CA10: variants seen among roughly 807,000 people sequenced by gnomAD.
CA10 encodes the protein carbonic anhydrase-related protein 10.
In CA10, 14 loss-of-function variants were observed where a neutral mutation model predicts 44.2. The observed-to-expected ratio is 0.32, with a 90% CI of 0.21 to 0.50. The LOEUF is 0.50. Among genes scored for constraint, CA10 ranks in the 20% least tolerant of loss-of-function variants. The pLI is 0.99. For missense variants in CA10, 350 were observed against 409.7 expected (o/e 0.85, Z 1.26); for synonymous variants, 159 against 141.6 (o/e 1.12, Z -0.87).
chr17:52,148,279 T>C (rs1321558115), intron 1 of CA10, among the ~76,000 whole-genome samples: 1 of 152,140 alleles, frequency 6.6e-6, no homozygotes, highest in Non-Finnish European at 1.5e-5. Context: ...TGGTAAGAAA[T>C]AGCGTACATG....
intron 2 of CA10, among the ~76,000 whole-genome samples, chr17:52,061,703 T>G (rs1987391085): frequency 6.6e-6 from 1 of 152,112 alleles, no homozygotes; most frequent in Admixed American, 6.5e-5. Context: ...CCTTCCTCCA[T>G]GTGAAGAAGG....
intron 3 of CA10, among the ~76,000 whole-genome samples, chr17:51,760,715 T>G (rs1369976273): frequency 6.6e-6 from 1 of 152,212 alleles, no homozygotes; most frequent in Non-Finnish European, 1.5e-5. Flanking sequence ...ACCTGGGATG[T>G]GTGCTACAAG....
chr17:51,986,797 C>G (rs1276857753), intron 2 of CA10, among the ~76,000 whole-genome samples: 1 of 151,830 alleles, frequency 6.6e-6, no homozygotes, highest in East Asian at 1.9e-4. Flanking sequence ...CAAATCAAAA[C>G]CACAATGCAA....
At chr17:51,864,667 ATTC>A (rs1374495610) in intron 3 of CA10, among the ~76,000 whole-genome samples, 1 of 152,206 alleles carries the variant, frequency 6.6e-6, no homozygotes, top group Non-Finnish European at 1.5e-5. Context: ...AGAAAATCAA[ATTC>A]TTCTCTCAGT....
At chr17:52,141,206 T>TG (rs1989472395) in intron 1 of CA10, among the ~76,000 whole-genome samples, 1 of 152,200 alleles carries the variant, frequency 6.6e-6, no homozygotes, top group African/African-American at 2.4e-5. Context: ...AGAGCTACTC[T>TG]AAGCTCCTCT....
At chr17:52,128,514 A>G (rs1331074063) in intron 1 of CA10, among the ~76,000 whole-genome samples, 1 of 152,160 alleles carries the variant, frequency 6.6e-6, no homozygotes, top group Non-Finnish European at 1.5e-5. Context: ...GGTAATTCTC[A>G]TATCAGAACT....
At chr17:52,093,738 T>C (rs140245492) in intron 1 of CA10, among the ~76,000 whole-genome samples, 2 of 152,324 alleles carry the variant, frequency 1.3e-5, no homozygotes, top group East Asian at 3.9e-4. Flanking sequence ...TGCTAGCTTT[T>C]ATGCAGTAGA....
At chr17:51,847,300 A>G (rs182593879) in intron 3 of CA10, among the ~76,000 whole-genome samples, 3 of 152,282 alleles carry the variant, frequency 2.0e-5, no homozygotes, top group African/African-American at 7.2e-5. Flanking sequence ...CCAGAAGGCA[A>G]ATGAAGTAGT....
intron 3 of CA10, among the ~76,000 whole-genome samples, chr17:51,928,226 TA>T (rs1982508502): frequency 6.6e-6 from 1 of 152,184 alleles, no homozygotes; most frequent in Admixed American, 6.5e-5. Flanking sequence ...TACAATATTT[TA>T]AATAACTTTT....
Position 51,796,401 on chromosome 17 carries a change from T to C in CA10, c.280-48583A>G, listed in dbSNP as rs535328738. On this transcript the variant is annotated intron_variant, in intron 3 of 8. Transcript: ENST00000451037. ...AGTGTGCTCCCCTCACCCCCAGGGA[T>C]TGCAAGTTCAAGTGTCCTGTCTGCA... Among the ~76,000 whole-genome samples, 135 of 152,244 alleles carry C rather than the reference T, an allele frequency of 8.9e-4. 1 individual carries two copies. Among genetic ancestry groups the C allele is most frequent in the Non-Finnish European group, 1.3e-3 (91 of 68,014 alleles).
chr17:52,036,996 A>G (rs1986637682), intron 2 of CA10, among the ~76,000 whole-genome samples: 1 of 152,198 alleles, frequency 6.6e-6, no homozygotes, highest in South Asian at 2.1e-4. Context: ...AGAGAGTGGC[A>G]GAAGAGTGGC....
At position 51,922,584 on chromosome 17, in the gene CA10, T is replaced by C. The variant is rs147760383; in HGVS notation, c.279+8406A>G. Among the ~76,000 whole-genome samples the C allele has an allele frequency of 8.9e-4, 135 of 152,296 alleles. 1 individual carries two copies. The East Asian group carries it at 0.021, about 24-fold the overall frequency. The stretch of plus-strand genomic sequence containing the variant: ...TGCATCTCTACATGCCATTTAACAA[T>C]ATTATTTCTCATAAAATTCCCCGTG... On this transcript the variant is annotated intron_variant, in intron 3 of 8. Coordinates refer to ENST00000451037, the MANE Select transcript of CA10 (RefSeq NM_020178.5).
chr17:52,022,966 A>C (rs1250825527), intron 2 of CA10, among the ~76,000 whole-genome samples: 1 of 152,152 alleles, frequency 6.6e-6, no homozygotes, highest in Non-Finnish European at 1.5e-5. Context: ...AGATGACACA[A>C]ACAAATGGAG....
intron 1 of CA10, chr17:52,134,749 C>G: frequency 2.4e-6 from 1 of 420,550 alleles, no homozygotes; most frequent in South Asian, 1.8e-5. Context: ...TTGCAATTCT[C>G]TGTGTGACTC....
chr17:51,874,428 T>C (rs186253280), intron 3 of CA10, among the ~76,000 whole-genome samples: 1 of 151,316 alleles, frequency 6.6e-6, no homozygotes, highest in East Asian at 2.0e-4. Context: ...AACTCAGCTC[T>C]CCTTTATCTG....
At chr17:51,846,515 G>A (rs1186726674) in intron 3 of CA10, among the ~76,000 whole-genome samples, 3 of 152,200 alleles carry the variant, frequency 2.0e-5, no homozygotes, top group Admixed American at 2.0e-4. Flanking sequence ...TTAACAGGTA[G>A]CAACTGTTAT....
chr17:51,810,235 A>C (rs1907306444), intron 3 of CA10, among the ~76,000 whole-genome samples: 1 of 152,216 alleles, frequency 6.6e-6, no homozygotes. Context: ...TATAAAATCC[A>C]AGAAAGCAGG....
At chr17:51,912,312 C>G (rs1326908808) in intron 3 of CA10, among the ~76,000 whole-genome samples, 1 of 152,132 alleles carries the variant, frequency 6.6e-6, no homozygotes, top group Non-Finnish European at 1.5e-5. Flanking sequence ...TCCTTACCAC[C>G]ATTTTAAAAT....
At chr17:52,145,628 T>C (rs1989566594) in intron 1 of CA10, among the ~76,000 whole-genome samples, 1 of 152,238 alleles carries the variant, frequency 6.6e-6, no homozygotes, top group African/African-American at 2.4e-5. Flanking sequence ...TAACCACAGT[T>C]TCCTGTCTCT....
Sources: allele counts gnomAD v4.1 joint callset (sites outside exome capture counted in the v4.1 genomes callset), GRCh38; gene constraint gnomAD v4.1.1; transcripts MANE v1.5; gene names NCBI Gene and HGNC (gene_info 2026-07-23, HGNC 2026-07-21).